ATP11C: variants seen among roughly 807,000 people sequenced by gnomAD.
ATP11C encodes ATPase phospholipid transporting 11C (ATP11C blood group).
ATP11C carries 36 observed loss-of-function variants against 97.4 expected under a neutral mutation model. The ratio of observed to expected loss-of-function variants is 0.37; its 90% CI spans 0.28 to 0.49. The LOEUF (loss-of-function observed/expected upper bound fraction) is 0.49. ATP11C is among the 20% of genes least tolerant of loss of function. The pLI is 0.98. For missense variants in ATP11C, 730 were observed against 824.6 expected, an observed-to-expected ratio of 0.89 and a Z score of 1.40; for synonymous variants, 275 against 290.9, an observed-to-expected ratio of 0.95 and a Z score of 0.56.
At chrX:139,816,755 C>A in intron 4 of ATP11C, 108 bp downstream of exon 4, 1 of 435,961 alleles carries the variant, frequency 2.3e-6, no homozygotes, top group Admixed American at 4.5e-5. Context: ...AAAATAAATC[C>A]ATAAAGGATA....
intron 23 of ATP11C, among the ~76,000 whole-genome samples, chrX:139,757,079 A>C (rs1057331844): frequency 1.8e-4 from 20 of 110,418 alleles, no homozygotes; most frequent in African/African-American, 6.6e-4. Context: ...CTTTGTATTC[A>C]CAGAAGCATA....
At chrX:139,896,091 C>T (rs2084800631) in intron 1 of ATP11C, among the ~76,000 whole-genome samples, 1 of 111,514 alleles carries the variant, frequency 9.0e-6, no homozygotes, top group East Asian at 2.8e-4. Context: ...CCATACTCCT[C>T]TCCAGAATCA....
At chrX:139,831,206 G>T (rs2147895616) in intron 1 of ATP11C, among the ~76,000 whole-genome samples, 1 of 111,522 alleles carries the variant, frequency 9.0e-6, no homozygotes, top group South Asian at 3.8e-4. Flanking sequence ...GGCATTTTGT[G>T]TTGTTCTGCC....
intron 14 of ATP11C, among the ~76,000 whole-genome samples, chrX:139,787,734 T>C (rs1047867005): frequency 8.9e-6 from 1 of 112,597 alleles, no homozygotes. Flanking sequence ...GCCACAATTA[T>C]TGTAACCAAG....
intron 1 of ATP11C, among the ~76,000 whole-genome samples, chrX:139,860,915 T>C (rs781508176): frequency 8.9e-6 from 1 of 112,512 alleles, no homozygotes; most frequent in South Asian, 3.7e-4. Context: ...TATTTCCATC[T>C]GAGATCAAAG....
In ATP11C at chrX:139,768,205, C is replaced by G; in HGVS notation, c.2391+55G>C. The stretch of plus-strand genomic sequence containing the variant: ...AATTTTTTAAAAAAATAAACATTTG[C>G]ACATATATGTATAGAAGTATCCAGA... On this transcript the variant is annotated intron_variant, in intron 20 of 29. Coordinates refer to ENST00000682941, the MANE Select transcript of ATP11C (RefSeq NM_001353812.2). The G allele has an allele frequency of 2.3e-6, 2 of 865,357 alleles. 1 individual carries two copies. Among genetic ancestry groups the G allele is most frequent in the South Asian group, 1.1e-4 (2 of 18,734 alleles). 71.3% of individuals were successfully genotyped at this position (865,357 alleles called of 1,213,427 possible).
At chrX:139,881,563 G>A (rs995681902) in intron 1 of ATP11C, among the ~76,000 whole-genome samples, 6 of 111,392 alleles carry the variant, frequency 5.4e-5, no homozygotes, top group South Asian at 3.8e-4. Flanking sequence ...GTCAGCAAAC[G>A]TCAAGATGTA....
At chrX:139,751,338 A>C (rs1414447201) in intron 23 of ATP11C, among the ~76,000 whole-genome samples, 1 of 112,384 alleles carries the variant, frequency 8.9e-6, no homozygotes, top group East Asian at 2.8e-4. Flanking sequence ...AGGAGAGACA[A>C]AGCAAATGAT....
intron 1 of ATP11C, among the ~76,000 whole-genome samples, chrX:139,867,618 G>A (rs941161996): frequency 8.9e-6 from 1 of 111,862 alleles, no homozygotes; most frequent in East Asian, 2.8e-4. Context: ...CCCAAACTCA[G>A]GGGTCAGCAG....
chrX:139,770,355 G>A (rs2148691028), intron 19 of ATP11C, among the ~76,000 whole-genome samples: 1 of 112,143 alleles, frequency 8.9e-6, no homozygotes, highest in East Asian at 2.8e-4. Flanking sequence ...AATATCTAAA[G>A]TAGGACTTGA....
At chrX:139,841,603 C>T (rs2083831967) in intron 1 of ATP11C, among the ~76,000 whole-genome samples, 1 of 112,005 alleles carries the variant, frequency 8.9e-6, no homozygotes, top group African/African-American at 3.2e-5. Context: ...GTTCAAAAGA[C>T]AAGAGAGAAA....
intron 12 of ATP11C, among the ~76,000 whole-genome samples, chrX:139,791,507 C>A (rs1487337877): frequency 8.9e-6 from 1 of 111,944 alleles, no homozygotes; most frequent in Non-Finnish European, 1.9e-5. Flanking sequence ...CAGTAATTAT[C>A]AAACTGTAGA....
At chrX:139,730,426 C>T (rs1316902066) in intron 29 of ATP11C, among the ~76,000 whole-genome samples, 1 of 111,114 alleles carries the variant, frequency 9.0e-6, no homozygotes, top group African/African-American at 3.3e-5. Flanking sequence ...GGAAAACATA[C>T]TCAGGTAAGT....
At chrX:139,824,616 G>A (rs2083486439) in intron 2 of ATP11C, among the ~76,000 whole-genome samples, 1 of 111,420 alleles carries the variant, frequency 9.0e-6, no homozygotes, top group Non-Finnish European at 1.9e-5. Flanking sequence ...GAACCCAGGA[G>A]GCGGGGCTTG....
At chrX:139,802,903 T>C (rs1603376571) in intron 6 of ATP11C, among the ~76,000 whole-genome samples, 1 of 111,948 alleles carries the variant, frequency 8.9e-6, no homozygotes. Flanking sequence ...GTGTCTTGCA[T>C]TAGTCAGATA....
intron 1 of ATP11C, among the ~76,000 whole-genome samples, chrX:139,885,909 C>A (rs2084633611): frequency 9.0e-6 from 1 of 110,955 alleles, no homozygotes; most frequent in Non-Finnish European, 1.9e-5. Flanking sequence ...CTATGAAAAA[C>A]TTACAGCTAA....
intron 1 of ATP11C, among the ~76,000 whole-genome samples, chrX:139,829,645 A>C (rs1458266742): frequency 4.5e-5 from 5 of 111,302 alleles, no homozygotes; most frequent in Non-Finnish European, 9.4e-5. Flanking sequence ...GTCCTTAAGA[A>C]CAGCATTTCT....
At chrX:139,781,871 T>C (rs1003385322) in intron 18 of ATP11C, among the ~76,000 whole-genome samples, 28 of 111,965 alleles carry the variant, frequency 2.5e-4, no homozygotes, top group African/African-American at 8.8e-4. Flanking sequence ...TCTTACCCCT[T>C]TGTCTAGGCA....
chrX:139,846,533 T>C (rs2083911151), intron 1 of ATP11C, among the ~76,000 whole-genome samples: 1 of 111,810 alleles, frequency 8.9e-6, no homozygotes, highest in Non-Finnish European at 1.9e-5. Context: ...TTAAAATAAA[T>C]TAATAGATTA....
Sources: gnomAD v4.1 joint callset for allele counts (sites outside exome capture counted in the v4.1 genomes callset) on GRCh38, gnomAD v4.1.1 for gene constraint, MANE v1.5 for transcripts, NCBI Gene and HGNC (gene_info 2026-07-23, HGNC 2026-07-21) for gene names.